The following G3BP1 variants were observed in gnomAD, a reference collection of about 807,000 sequenced individuals.
The protein encoded by G3BP1 is G3BP stress granule assembly factor 1, also known as ras GTPase-activating protein-binding protein 1.
A neutral mutation model predicts 58.6 loss-of-function variants in G3BP1; 35 were observed. That is an observed-to-expected ratio of 0.60 (90% CI 0.46 to 0.79). G3BP1 has a LOEUF of 0.79. Among genes scored for constraint, G3BP1 ranks in the 30% least tolerant of loss-of-function variants. The pLI is 0.00. For missense variants in G3BP1, 523 were observed against 580.8 expected (o/e 0.90, Z 1.02); for synonymous variants, 191 against 195.4 (o/e 0.98, Z 0.19).
chr5:151,785,669 G>A (rs1188185618), intron 1 of G3BP1, among the ~76,000 whole-genome samples: 2 of 152,090 alleles, frequency 1.3e-5, no homozygotes, highest in South Asian at 2.1e-4. Flanking sequence ...ATTCAAAGGT[G>A]TTAATTTTAC....
chr5:151,789,467 A>G (rs755961211), intron 2 of G3BP1, among the ~76,000 whole-genome samples: 22 of 152,212 alleles, frequency 1.4e-4, no homozygotes, highest in Admixed American at 7.9e-4. Flanking sequence ...CTGGTAGAAT[A>G]TTGTTTTAAT....
In G3BP1 at chr5:151,800,842, G is replaced by C. The variant is rs1762837527; in HGVS notation, c.1167G>C (p.Glu389Asp). The C allele has an allele frequency of 6.2e-7, 1 of 1,602,734 alleles. No individual in the cohort carries two copies. The highest frequency in any genetic ancestry group is 8.5e-7 in the Non-Finnish European group (1 of 1,170,254). The change falls in exon 11 of 12, where the codon GAG becomes GAC. Residue 389 changes from glutamate (E) to aspartate (D), a missense_variant. Glu to Asp is a conservative substitution (Grantham distance 45). Coordinates refer to ENST00000356245, the MANE Select transcript of G3BP1 (RefSeq NM_005754.3). Reference sequence around the variant, plus strand: ...GTTTTGTTGTGTTTGATGATTCTGAGCCTGTTCAGAAAGTCCTTAGCAACA... The same window carrying C: ...GTTTTGTTGTGTTTGATGATTCTGACCCTGTTCAGAAAGTCCTTAGCAACA... Reference protein sequence around the residue: ...NFGFVVFDDSEPVQKVLSNRP... With the variant: ...NFGFVVFDDSDPVQKVLSNRP...
intron 1 of G3BP1, among the ~76,000 whole-genome samples, chr5:151,781,954 A>T (rs1446859579): frequency 6.6e-6 from 1 of 152,050 alleles, no homozygotes; most frequent in African/African-American, 2.4e-5. Context: ...ACTGTAGTTC[A>T]TCCAAAAGGT....
In G3BP1 at chr5:151,795,483, T is replaced by TGAA; in HGVS notation, c.455_457dup (p.Glu152dup). The TGAA allele has an allele frequency of 6.5e-7, 1 of 1,538,036 alleles. No homozygotes were observed. Among genetic ancestry groups the TGAA allele is most frequent in the Non-Finnish European group, 9.0e-7 (1 of 1,113,272 alleles). On this transcript the variant is annotated inframe_insertion, in exon 6 of 12. Coordinates refer to ENST00000356245, the MANE Select transcript of G3BP1 (RefSeq NM_005754.3). ...AAATATCTTTTTCTCACTTAGAGTC[T>TGAA]GAAGAAGAAGTAGAGGAACCTGAAG...
Position 151,790,378 on chromosome 5 carries a change from C to A in G3BP1, c.151C>A (p.Pro51Thr). 1 of 1,583,050 alleles carries A rather than the reference C, an allele frequency of 6.3e-7. No individual in the cohort carries two copies. Residue 51 changes from proline to threonine, a missense_variant, in exon 3 of 12, where the codon CCA becomes ACA. Transcript: ENST00000356245. ...TGGGGGATTGGATTCAAATGGAAAG[C>A]CAGCAGATGCAGTCTACGGACAGAA... ...VHGGLDSNGK[P>T]ADAVYGQKEI... is the part of the protein sequence containing the mutation.
intron 1 of G3BP1, among the ~76,000 whole-genome samples, chr5:151,783,688 T>G (rs1010028536): frequency 1.3e-5 from 2 of 152,076 alleles, no homozygotes; most frequent in Non-Finnish European, 2.9e-5. Context: ...CCAATTTTTT[T>G]TTTTTAACTG....
chr5:151,798,593 A>T (rs1405450022), intron 7 of G3BP1, among the ~76,000 whole-genome samples: 1 of 152,212 alleles, frequency 6.6e-6, no homozygotes, highest in Admixed American at 6.5e-5. Flanking sequence ...AATGGATTGG[A>T]TGGAATCACA....
intron 1 of G3BP1, among the ~76,000 whole-genome samples, chr5:151,784,741 AT>A (rs1341483960): frequency 2.6e-5 from 4 of 152,116 alleles, no homozygotes; most frequent in Non-Finnish European, 5.9e-5. Flanking sequence ...GTCATGTGGA[AT>A]TTAAAAAAAG....
At chr5:151,782,693 C>T (rs866456406) in intron 1 of G3BP1, among the ~76,000 whole-genome samples, 54 of 149,042 alleles carry the variant, frequency 3.6e-4, no homozygotes, top group African/African-American at 1.2e-3. Context: ...CATATATTTT[C>T]TTTTTTTTCC....
chr5:151,794,156 C>T lies in G3BP1; in HGVS notation c.352-3C>T. ...AAATTAAAACTTTCTGTTGGCATTG[C>T]AGGGGTCTGTTGCAAATAAATTCTA... On this transcript the variant is annotated splice_polypyrimidine_tract_variant and splice_region_variant and intron_variant, in intron 4 of 11. Transcript: ENST00000356245. 6.4e-7 allele frequency: 1 copy of T among 1,573,284 alleles called. No individual in the cohort carries two copies. The highest frequency in any genetic ancestry group is 8.7e-7 in the Non-Finnish European group (1 of 1,143,664).
Position 151,795,527 on chromosome 5 carries a change from A to C in G3BP1, c.491A>C (p.Glu164Ala). ...EEPEERQQTP[E>A]VVPDDSGTFY... is the part of the protein sequence containing the mutation. ...CCTGAAGAAAGACAGCAAACACCTG[A>C]GGTGGTACCTGATGATTCTGGAACT... The change falls in exon 6 of 12, where the codon GAG becomes GCG. Residue 164 changes from glutamate to alanine, a missense_variant. This residue lies in a region of G3BP1 where 398 missense variants were observed against 399.1 expected (regional missense o/e 1.00). Coordinates refer to ENST00000356245, the MANE Select transcript of G3BP1 (RefSeq NM_005754.3). The C allele has an allele frequency of 1.2e-6, 2 of 1,608,300 alleles. No homozygotes were observed. Among genetic ancestry groups the C allele is most frequent in the South Asian group, 1.1e-5 (1 of 90,780 alleles).
chr5:151,800,907 T>G, intron 11 of G3BP1, 38 bp downstream of exon 11: 1 of 986,144 alleles, frequency 1.0e-6, no homozygotes, highest in Non-Finnish European at 1.6e-6. Context: ...TTTTTTTTTT[T>G]TAAAAAGGGT....
chr5:151,794,854 A>G (rs1385052331), intron 5 of G3BP1, among the ~76,000 whole-genome samples: 4 of 152,236 alleles, frequency 2.6e-5, no homozygotes, highest in African/African-American at 9.6e-5. Flanking sequence ...TCATTTGCCT[A>G]GTAAAGTGGT....
intron 1 of G3BP1, among the ~76,000 whole-genome samples, chr5:151,777,762 CAA>C: frequency 6.6e-6 from 1 of 152,254 alleles, no homozygotes; most frequent in Non-Finnish European, 1.5e-5. Context: ...TCACCACAAT[CAA>C]GATTGTGAAC....
At chr5:151,790,167 G>T (rs1762625574) in intron 2 of G3BP1, among the ~76,000 whole-genome samples, 156 bp from the exon 3 acceptor site, 1 of 146,936 alleles carries the variant, frequency 6.8e-6, no homozygotes. Flanking sequence ...GCACATCGAA[G>T]CTGCAATGAG....
intron 2 of G3BP1, chr5:151,786,950 C>G (rs770348977): frequency 6.8e-5 from 19 of 281,448 alleles, no homozygotes; most frequent in Non-Finnish European, 1.1e-4. Flanking sequence ...TTAAGTGATT[C>G]TTCTGCCCCA....
In G3BP1 at chr5:151,797,287, A is replaced by C; in HGVS notation, c.600A>C (p.Pro200=). ...PVAEPEPDPE[P]EPEQEPVSEI... is the part of the protein sequence containing the mutation. ...CTGAACCAGAGCCTGATCCTGAACCAGAACCAGAACAAGAACCTGTATCTG... is the reference window on the plus strand; with the variant it reads ...CTGAACCAGAGCCTGATCCTGAACCCGAACCAGAACAAGAACCTGTATCTG... Residue 200 remains proline (P), a synonymous_variant, in exon 7 of 12, where the codon CCA becomes CCC. Transcript: ENST00000356245. 6.2e-7 allele frequency: 1 copy of C among 1,612,940 alleles called. No individual in the cohort carries two copies. Among genetic ancestry groups the C allele is most frequent in the Non-Finnish European group, 8.5e-7 (1 of 1,178,880 alleles).
At chr5:151,783,794 GCT>G (rs1762512964) in intron 1 of G3BP1, among the ~76,000 whole-genome samples, 1 of 151,938 alleles carries the variant, frequency 6.6e-6, no homozygotes. Context: ...ATGGAGTCAC[GCT>G]CTGTCGCCCA....
At chr5:151,789,299 G>A (rs1194943065) in intron 2 of G3BP1, among the ~76,000 whole-genome samples, 1 of 152,000 alleles carries the variant, frequency 6.6e-6, no homozygotes, top group Non-Finnish European at 1.5e-5. Context: ...ACAAAAAAAG[G>A]CGGAGGTTGC....
Sources: gnomAD v4.1 joint callset for allele counts (sites outside exome capture counted in the v4.1 genomes callset) on GRCh38, gnomAD v4.1.1 for gene constraint, gnomAD v4.1.1 regional missense constraint, MANE v1.5 for transcripts, NCBI Gene and HGNC (gene_info 2026-07-23, HGNC 2026-07-21) for gene names.